COL22A1: variants seen among roughly 807,000 people sequenced by gnomAD.
COL22A1 encodes the protein collagen alpha-1(XXII) chain.
COL22A1 carries 221 observed loss-of-function variants against 248.9 expected under a neutral mutation model. The ratio of observed to expected loss-of-function variants is 0.89; its 90% CI spans 0.80 to 0.99. COL22A1 has a LOEUF of 0.99. COL22A1 is among the 50% of genes least tolerant of loss of function. The pLI is 0.00. For synonymous variants in COL22A1, 891 were observed against 793.4 expected, an observed-to-expected ratio of 1.12 and a Z score of -2.07; for missense variants, 2,240 against 2,179.0, an observed-to-expected ratio of 1.03 and a Z score of -0.56.
At chr8:138,895,029 A>G (rs1178344812) in intron 1 of COL22A1, among the ~76,000 whole-genome samples, 1 of 150,702 alleles carries the variant, frequency 6.6e-6, no homozygotes, top group Non-Finnish European at 1.5e-5. Context: ...ACTGCACTCC[A>G]GCCTGGACAA....
At chr8:138,729,739 A>C (rs1830571834) in intron 23 of COL22A1, among the ~76,000 whole-genome samples, 1 of 152,154 alleles carries the variant, frequency 6.6e-6, no homozygotes, top group Non-Finnish European at 1.5e-5. Flanking sequence ...GCTGCAGCCA[A>C]CCTACCCCAG....
intron 52 of COL22A1, 150 bp downstream of exon 52, chr8:138,623,582 T>C: frequency 1.7e-6 from 1 of 593,288 alleles, no homozygotes; most frequent in Non-Finnish European, 2.9e-6. Context: ...GGGACAGCAG[T>C]GTTTACTGTG....
intron 12 of COL22A1, among the ~76,000 whole-genome samples, chr8:138,785,552 G>T (rs758174081): frequency 2.6e-5 from 4 of 152,200 alleles, no homozygotes; most frequent in Non-Finnish European, 5.9e-5. Flanking sequence ...ACTTACGATG[G>T]CACGCCCTCG....
intron 45 of COL22A1, among the ~76,000 whole-genome samples, chr8:138,652,293 C>T (rs917756099): frequency 1.3e-5 from 2 of 152,230 alleles, no homozygotes; most frequent in South Asian, 4.1e-4. Context: ...CCTGAGTCTC[C>T]TTATCTGTGA....
intron 4 of COL22A1, among the ~76,000 whole-genome samples, chr8:138,836,287 A>G (rs1255219524): frequency 6.6e-6 from 1 of 152,172 alleles, no homozygotes; most frequent in Admixed American, 6.5e-5. Context: ...AAAGAAGAAA[A>G]GAAAAGGAAA....
chr8:138,617,104 T>C (rs1819398174), intron 53 of COL22A1, 146 bp from the exon 54 acceptor site: 1 of 806,884 alleles, frequency 1.2e-6, no homozygotes, highest in South Asian at 1.5e-5. Flanking sequence ...CTTGGTGCCA[T>C]GCTCGGTGCC....
intron 12 of COL22A1, 86 bp from the exon 13 acceptor site, chr8:138,781,066 G>A (rs895712019): frequency 2.1e-6 from 2 of 945,132 alleles, no homozygotes; most frequent in Non-Finnish European, 3.2e-6. Context: ...AACGTGCCAG[G>A]AAGGGAAGGA....
intron 41 of COL22A1, among the ~76,000 whole-genome samples, chr8:138,665,765 C>A (rs1215186555): frequency 1.3e-5 from 2 of 149,780 alleles, no homozygotes; most frequent in East Asian, 1.9e-4. Context: ...CAGATACAGG[C>A]AACAAAAAAG....
intron 3 of COL22A1, among the ~76,000 whole-genome samples, chr8:138,848,985 A>T (rs1037974845): frequency 6.6e-6 from 1 of 152,072 alleles, no homozygotes; most frequent in South Asian, 2.1e-4. Context: ...CACAGACAAG[A>T]TGTATGACAT....
At chr8:138,802,278 T>C (rs1563780369) in intron 11 of COL22A1, among the ~76,000 whole-genome samples, 5 of 152,092 alleles carry the variant, frequency 3.3e-5, no homozygotes, top group Admixed American at 2.0e-4. Context: ...TTAATTGCAT[T>C]CACTCATCAG....
At chr8:138,644,352 T>G (rs530215297) in intron 47 of COL22A1, among the ~76,000 whole-genome samples, 1 of 152,294 alleles carries the variant, frequency 6.6e-6, no homozygotes, top group African/African-American at 2.4e-5. Flanking sequence ...CTTCTTAAAT[T>G]TTATTCCCAA....
rs1818017301 is a variant in COL22A1 at position 138,809,528 on chromosome 8, C to CTTTTTTCTTTTTTTTTTTT, written c.1450-1717_1450-1716insAAAAAAAAAAAAGAAAAAA. Among the ~76,000 whole-genome samples the CTTTTTTCTTTTTTTTTTTT allele has an allele frequency of 2.7e-4, 32 of 117,672 alleles. 1 individual carries two copies. The highest frequency in any genetic ancestry group is 1.1e-3 in the African/African-American group (32 of 30,176). 77.2% of individuals were successfully genotyped at this position (117,672 alleles called of 152,430 possible). On this transcript the variant is annotated intron_variant, in intron 9 of 64. Coordinates refer to ENST00000303045, the MANE Select transcript of COL22A1 (RefSeq NM_152888.3). ...TTTCTTCTTCTCTTTTTTTCTTTTT[C>CTTTTTTCTTTTTTTTTTTT]TTTTTTTTTTGAGACAGAGTCTCAC...
chr8:138,706,695 A>G (rs1245066006), intron 30 of COL22A1, among the ~76,000 whole-genome samples: 1 of 152,244 alleles, frequency 6.6e-6, no homozygotes, highest in Non-Finnish European at 1.5e-5. Context: ...GGAAAGATCT[A>G]AAATTGACAC....
intron 55 of COL22A1, among the ~76,000 whole-genome samples, chr8:138,615,682 G>C (rs1819260057): frequency 2.0e-5 from 3 of 152,118 alleles, no homozygotes; most frequent in African/African-American, 7.2e-5. Flanking sequence ...CAGAGCCTGA[G>C]AGAAGGAGAA....
intron 60 of COL22A1, among the ~76,000 whole-genome samples, chr8:138,601,446 GC>G (rs2131830746): frequency 6.6e-6 from 1 of 152,214 alleles, no homozygotes; most frequent in East Asian, 1.9e-4. Flanking sequence ...GGCTGGGGGT[GC>G]CTGGGACGTC....
chr8:138,664,194 T>TGTGC (rs1554738435), intron 41 of COL22A1, among the ~76,000 whole-genome samples: 1 of 85,302 alleles, frequency 1.2e-5, no homozygotes, highest in Non-Finnish European at 2.5e-5. Context: ...CAACAAGGGG[T>TGTGC]GCGCGCGCGC....
chr8:138,653,151 A>G (rs1307647915), intron 45 of COL22A1, among the ~76,000 whole-genome samples: 1 of 152,210 alleles, frequency 6.6e-6, no homozygotes, highest in Non-Finnish European at 1.5e-5. Flanking sequence ...AATGCTTACT[A>G]CATGGAGAAA....
intron 55 of COL22A1, among the ~76,000 whole-genome samples, chr8:138,615,547 A>G (rs1564099838): frequency 6.6e-6 from 1 of 151,280 alleles, no homozygotes; most frequent in East Asian, 1.9e-4. Context: ...AAAAAAAAAA[A>G]ATTTTTTTTT....
chr8:138,624,767 G>T (rs988441112), intron 51 of COL22A1, among the ~76,000 whole-genome samples: 10 of 152,266 alleles, frequency 6.6e-5, no homozygotes, highest in Middle Eastern at 3.4e-3. Context: ...CCAGGCTGCA[G>T]AGTTACAGAC....
Sources: allele counts gnomAD v4.1 joint callset (sites outside exome capture counted in the v4.1 genomes callset), GRCh38; gene constraint gnomAD v4.1.1; transcripts MANE v1.5; gene names NCBI Gene and HGNC (gene_info 2026-07-23, HGNC 2026-07-21).